ZHX2: variants seen among roughly 807,000 people sequenced by gnomAD.
The protein encoded by ZHX2 is zinc fingers and homeoboxes protein 2.
ZHX2 carries 6 observed loss-of-function variants against 21.9 expected under a neutral mutation model. The ratio of observed to expected loss-of-function variants is 0.27; its 90% CI spans 0.15 to 0.54. The LOEUF (loss-of-function observed/expected upper bound fraction) is 0.54. ZHX2 is among the 20% of genes least tolerant of loss of function. The pLI is 0.95. For missense variants in ZHX2, 908 were observed against 1,090.7 expected (o/e 0.83, Z 2.36); for synonymous variants, 434 against 437.1 (o/e 0.99, Z 0.09).
chr8:122,929,347 C>A (rs771347133), intron 2 of ZHX2, among the ~76,000 whole-genome samples: 1 of 152,040 alleles, frequency 6.6e-6, no homozygotes, highest in South Asian at 2.1e-4. Flanking sequence ...GCTTCCTTAC[C>A]CAGGGTCATT....
intron 2 of ZHX2, among the ~76,000 whole-genome samples, chr8:122,949,669 C>T (rs1813062319): frequency 6.6e-6 from 1 of 152,032 alleles, no homozygotes; most frequent in Admixed American, 6.6e-5. Context: ...CATGGCAAAA[C>T]CCCTGGACAA....
At chr8:122,863,262 C>CTTTTTTTTTTT (rs144283135) in intron 1 of ZHX2, 4 of 138,194 alleles carry the variant, frequency 2.9e-5, no homozygotes, top group Non-Finnish European at 6.2e-5. Context: ...GGGCTAGGGT[C>CTTTTTTTTTTT]TTTTTTTTTT....
intron 2 of ZHX2, among the ~76,000 whole-genome samples, chr8:122,909,590 C>A (rs1386334896): frequency 6.6e-6 from 1 of 151,936 alleles, no homozygotes; most frequent in Non-Finnish European, 1.5e-5. Flanking sequence ...GACAGATAAT[C>A]CCCTCCTCCT....
chr8:122,922,047 G>A (rs747511843), intron 2 of ZHX2, among the ~76,000 whole-genome samples: 24 of 152,246 alleles, frequency 1.6e-4, no homozygotes, highest in Admixed American at 3.3e-4. Context: ...GGAATCCCTC[G>A]AGGACAGGAG....
Position 122,880,081 on chromosome 8 carries a change from G to A in ZHX2, c.-220+16542G>A, listed in dbSNP as rs191451099. Reference sequence around the variant, plus strand: ...TCCACCTCCCGGGTTCAAGTGATTCGTCTACCTCAGCCTCCCGAGTACCTG... The same window carrying A: ...TCCACCTCCCGGGTTCAAGTGATTCATCTACCTCAGCCTCCCGAGTACCTG... On this transcript the variant is annotated intron_variant, in intron 2 of 3. Transcript: ENST00000314393. Among the ~76,000 whole-genome samples, 9 of 149,016 alleles carry A rather than the reference G, an allele frequency of 6.0e-5. No homozygotes were observed. In the East Asian group the frequency reaches 1.6e-3, roughly 27 times the overall value.
chr8:122,882,535 T>C (rs1819737904), intron 2 of ZHX2, among the ~76,000 whole-genome samples: 1 of 152,160 alleles, frequency 6.6e-6, no homozygotes, highest in African/African-American at 2.4e-5. Context: ...TCCCCTAGAC[T>C]TTCTCCCTTC....
chr8:122,931,762 CA>C (rs1409286061), intron 2 of ZHX2, among the ~76,000 whole-genome samples: 5 of 152,178 alleles, frequency 3.3e-5, no homozygotes, highest in African/African-American at 1.2e-4. Flanking sequence ...GTGGCCTGAG[CA>C]CCAGGATATT....
At chr8:122,882,392 C>T (rs1054616435) in intron 2 of ZHX2, among the ~76,000 whole-genome samples, 6 of 152,006 alleles carry the variant, frequency 3.9e-5, no homozygotes, top group Non-Finnish European at 8.8e-5. Flanking sequence ...CTGCAACCAC[C>T]GTGAATGTGG....
At chr8:122,928,251 AC>A (rs1432244626) in intron 2 of ZHX2, among the ~76,000 whole-genome samples, 1 of 152,116 alleles carries the variant, frequency 6.6e-6, no homozygotes, top group Non-Finnish European at 1.5e-5. Context: ...GTGGATAAGA[AC>A]CCGACAACCT....
intron 2 of ZHX2, among the ~76,000 whole-genome samples, chr8:122,914,271 A>G (rs1820547351): frequency 6.6e-6 from 1 of 152,202 alleles, no homozygotes; most frequent in African/African-American, 2.4e-5. Flanking sequence ...GCCTGAGTGG[A>G]GATGGCCATG....
At chr8:122,916,775 G>A (rs977295039) in intron 2 of ZHX2, among the ~76,000 whole-genome samples, 2 of 151,930 alleles carry the variant, frequency 1.3e-5, no homozygotes, top group Admixed American at 6.6e-5. Context: ...CCAGAGCCAG[G>A]ACTTTGTGTC....
At chr8:122,962,941 A>G (rs962984086) in intron 3 of ZHX2, among the ~76,000 whole-genome samples, 36 of 151,084 alleles carry the variant, frequency 2.4e-4, no homozygotes, top group African/African-American at 8.5e-4. Context: ...AGAATTGTCT[A>G]TTCATGTCTT....
At chr8:122,855,010 G>A (rs1818995567) in intron 1 of ZHX2, among the ~76,000 whole-genome samples, 1 of 152,086 alleles carries the variant, frequency 6.6e-6, no homozygotes, top group Non-Finnish European at 1.5e-5. Flanking sequence ...CATATTTCCG[G>A]AATAAATGTT....
Position 122,904,183 on chromosome 8 carries a change from C to G in ZHX2, c.-220+40644C>G, listed in dbSNP as rs183821392. On this transcript the variant is annotated intron_variant, in intron 2 of 3. Transcript: ENST00000314393. ...AGAACCCTCCCAACAAAAGCCCCCC[C>G]AAAAAAGTCTGCTGTCTCTAGCCAA... Among the ~76,000 whole-genome samples the G allele has an allele frequency of 9.4e-4, 143 of 152,222 alleles. No individual in the cohort carries two copies. In the Middle Eastern group the frequency reaches 0.01, roughly 11 times the overall value.
chr8:122,806,249 G>A (rs1586580162), intron 1 of ZHX2, among the ~76,000 whole-genome samples: 1 of 152,324 alleles, frequency 6.6e-6, no homozygotes, highest in Non-Finnish European at 1.5e-5. Flanking sequence ...GTGGGGCTTA[G>A]GTTGAACTGT....
At chr8:122,935,167 T>A (rs1015115166) in intron 2 of ZHX2, among the ~76,000 whole-genome samples, 108 of 152,094 alleles carry the variant, frequency 7.1e-4, no homozygotes, top group African/African-American at 2.5e-3. Context: ...CTTTTTTTTT[T>A]ATCTATTTGA....
chr8:122,831,090 G>C (rs1232617829), intron 1 of ZHX2, among the ~76,000 whole-genome samples: 3 of 152,224 alleles, frequency 2.0e-5, no homozygotes, highest in African/African-American at 7.2e-5. Context: ...CCAAAACAGG[G>C]AATTATATGC....
intron 2 of ZHX2, among the ~76,000 whole-genome samples, chr8:122,894,415 C>T (rs1820049255): frequency 6.6e-6 from 1 of 152,208 alleles, no homozygotes; most frequent in Admixed American, 6.5e-5. Context: ...AGAAGGCAGC[C>T]ATTCATCCTC....
At chr8:122,897,981 G>A (rs1171041556) in intron 2 of ZHX2, among the ~76,000 whole-genome samples, 2 of 152,216 alleles carry the variant, frequency 1.3e-5, no homozygotes, top group Non-Finnish European at 2.9e-5. Context: ...ATGGTGGTCC[G>A]CTCCATTCGA....
Sources: allele counts gnomAD v4.1 joint callset (sites outside exome capture counted in the v4.1 genomes callset), GRCh38; gene constraint gnomAD v4.1.1; transcripts MANE v1.5; gene names NCBI Gene and HGNC (gene_info 2026-07-23, HGNC 2026-07-21).